Variants in RGCC observed in about 807,000 individuals in gnomAD.
The protein encoded by RGCC is regulator of cell cycle, also known as regulator of cell cycle RGCC.
RGCC carries 15 observed loss-of-function variants against 15.4 expected under a neutral mutation model. That is an observed-to-expected ratio of 0.97 (90% CI 0.65 to 1.50). RGCC has a LOEUF of 1.50. Among genes scored for constraint, RGCC ranks in the 40% most tolerant of loss-of-function variants. RGCC has a pLI of 0.00. For synonymous variants in RGCC, 81 were observed against 78.0 expected (o/e 1.04, Z -0.20); for missense variants, 176 against 189.7 (o/e 0.93, Z 0.42).
rs1222598121 is a variant in RGCC, at chr13:41,458,330, T to C, written c.95T>C (p.Leu32Pro). Residue 32 changes from leucine (L) to proline (P), a missense_variant, in exon 2 of 5, where the codon CTG (leucine) becomes CCG (proline). Physicochemically the swap from Leu to Pro is moderately conservative, Grantham distance 98. Coordinates refer to ENST00000379359, the MANE Select transcript of RGCC (RefSeq NM_014059.3). The surrounding 1 kb of genome is among the most constrained non-coding windows in gnomAD (Gnocchi z 4.4). ...GCCGCGGAGGACCTGTCGGACGCGCTGTGCGAGTTTGACGCGGTGCTGGCC... is the reference window on the plus strand; with the variant it reads ...GCCGCGGAGGACCTGTCGGACGCGCCGTGCGAGTTTGACGCGGTGCTGGCC... ...SAAAEDLSDA[L>P]CEFDAVLADF... The C allele has an allele frequency of 1.3e-6, 2 of 1,587,406 alleles. No individual in the cohort carries two copies. The highest frequency in any genetic ancestry group is 1.7e-5 in the Admixed American group (1 of 58,088).
intron 4 of RGCC, among the ~76,000 whole-genome samples, chr13:41,469,737 G>A (rs923694182): frequency 3.3e-5 from 5 of 152,104 alleles, no homozygotes; most frequent in African/African-American, 1.2e-4. Flanking sequence ...CTCTTATTTG[G>A]GAATTACACT....
rs151144643 is a variant in RGCC at position 41,464,337 on chromosome 13, C to T, written c.236-2486C>T. ...TGAGTTTCTCAGGCTGTATTTGTGG[C>T]GATTCTCCTGGTGACTGCATGGTGA... On this transcript the variant is annotated intron_variant, in intron 2 of 4. Coordinates refer to ENST00000379359, the MANE Select transcript of RGCC (RefSeq NM_014059.3). Among the ~76,000 whole-genome samples the T allele has an allele frequency of 7.1e-3, 1,082 of 152,280 alleles. 10 individuals carry two copies. Among genetic ancestry groups the T allele is most frequent in the African/African-American group, 0.024 (994 of 41,556 alleles).
In RGCC at chr13:41,458,210, G is replaced by A; in HGVS notation, c.50-75G>A. On this transcript the variant is annotated intron_variant, in intron 1 of 4. Transcript: ENST00000379359. The surrounding 1 kb of genome is among the most constrained non-coding windows in gnomAD (Gnocchi z 4.4). ...TCAGTTATCTTCGGGAACCGTGGCG[G>A]CCCCTCCTGGCCCTGGGAGGTGGTC... is the stretch of plus-strand genomic sequence containing the variant. The A allele has an allele frequency of 1.6e-6, 2 of 1,232,710 alleles. No homozygotes were observed. The allele number at this position is 1,232,710 out of a possible 1,614,324, so 76.4% of individuals were successfully genotyped here. A position where few individuals can be genotyped will look rare whatever the true frequency, so the allele number is the denominator to read the frequency against.
chr13:41,470,567 C>A lies in RGCC; in HGVS notation c.*82C>A. On this transcript the variant is annotated 3_prime_UTR_variant, in exon 5 of 5. Transcript: ENST00000379359. ...ACCTGCTAAAATCAGCTACTAGAAT[C>A]TGCTGCCAGAGGGGACAAAGACGTG... 1 of 1,400,546 alleles carries A rather than the reference C, an allele frequency of 7.1e-7. No homozygotes were observed. Among genetic ancestry groups the A allele is most frequent in the Non-Finnish European group, 1.0e-6 (1 of 985,782 alleles). 86.8% of individuals were successfully genotyped at this position (1,400,546 alleles called of 1,614,324 possible).
intron 3 of RGCC, among the ~76,000 whole-genome samples, chr13:41,468,273 A>C (rs1254338985): frequency 6.6e-6 from 1 of 152,248 alleles, no homozygotes; most frequent in Non-Finnish European, 1.5e-5. Context: ...GCAAGAATGC[A>C]TCAGAAGGCT....
At chr13:41,462,864 G>A (rs183525618) in intron 2 of RGCC, among the ~76,000 whole-genome samples, 1 of 152,320 alleles carries the variant, frequency 6.6e-6, no homozygotes, top group African/African-American at 2.4e-5. Flanking sequence ...GTAAAGAGAG[G>A]TCTAGAGCTT....
chr13:41,463,469 C>CTGTGTG (rs67077388), intron 2 of RGCC, among the ~76,000 whole-genome samples: 1 of 121,094 alleles, frequency 8.3e-6, no homozygotes, highest in African/African-American at 3.3e-5. Context: ...TAATGTGTAT[C>CTGTGTG]TGTGTGTGTG....
chr13:41,460,254 A>G (rs1229551076), intron 2 of RGCC, among the ~76,000 whole-genome samples: 1 of 152,232 alleles, frequency 6.6e-6, no homozygotes, highest in Non-Finnish European at 1.5e-5. Context: ...TGTTGGCAGA[A>G]GCTGTGTGTA....
chr13:41,464,460 T>C (rs2043837788), intron 2 of RGCC, among the ~76,000 whole-genome samples: 1 of 152,012 alleles, frequency 6.6e-6, no homozygotes. Context: ...AGCCCACCTT[T>C]GGAGGTGGGC....
chr13:41,463,247 CT>C (rs1380655011), intron 2 of RGCC, among the ~76,000 whole-genome samples: 1 of 152,012 alleles, frequency 6.6e-6, no homozygotes, highest in East Asian at 1.9e-4. Flanking sequence ...GCCTTGAGGG[CT>C]CTCTTTTCAT....
chr13:41,459,127 A>G (rs749794217), intron 2 of RGCC, among the ~76,000 whole-genome samples: 6 of 152,130 alleles, frequency 3.9e-5, no homozygotes, highest in Non-Finnish European at 8.8e-5. Flanking sequence ...CACAATGGAG[A>G]CTACCCCAGG....
chr13:41,457,753 G>A lies in RGCC; in HGVS notation c.46G>A (p.Ala16Thr), dbSNP rs924484190. The A allele has an allele frequency of 2.2e-6, 3 of 1,392,654 alleles. No individual in the cohort carries two copies. Among genetic ancestry groups the A allele is most frequent in the Non-Finnish European group, 2.8e-6 (3 of 1,078,040 alleles). The allele number at this position is 1,392,654 out of a possible 1,614,324, so 86.3% of individuals were successfully genotyped here. A position where few individuals can be genotyped will look rare whatever the true frequency, so the allele number is the denominator to read the frequency against. Residue 16 changes from alanine (A) to threonine (T), a missense_variant, in exon 1 of 5, where the codon GCA becomes ACA. By Grantham distance (58) the Ala-to-Thr change is moderately conservative. Transcript: ENST00000379359. This position sits in a 1 kb window ranked among gnomAD's most constrained non-coding sequence, Gnocchi z 4.9. ...AQGSPAAAAA[A>T]APALDSAAAE... is the part of the protein sequence containing the mutation. ...GGGCAGCCCCGCGGCCGCCGCGGCC[G>A]CAGGTGAGTGCGGGGTCCGGGGTCC...
At chr13:41,468,383 C>A (rs1051915212) in intron 3 of RGCC, among the ~76,000 whole-genome samples, 5 of 152,198 alleles carry the variant, frequency 3.3e-5, no homozygotes, top group African/African-American at 1.2e-4. Flanking sequence ...ATACAAAAAC[C>A]AGACTCCTTT....
chr13:41,464,645 C>T (rs1313707801), intron 2 of RGCC, among the ~76,000 whole-genome samples: 3 of 152,178 alleles, frequency 2.0e-5, no homozygotes, highest in African/African-American at 4.8e-5. Context: ...AGTGGGCATA[C>T]CCATGGGAAT....
chr13:41,465,295 C>A (rs1042522204), intron 2 of RGCC, among the ~76,000 whole-genome samples: 3 of 152,178 alleles, frequency 2.0e-5, no homozygotes, highest in African/African-American at 7.2e-5. Flanking sequence ...TTTGTTTTAA[C>A]CAGGAAGGCT....
Position 41,458,239 on chromosome 13 carries a change from C to T in RGCC, c.50-46C>T, listed in dbSNP as rs1474500879. The T allele has an allele frequency of 1.4e-6, 2 of 1,477,954 alleles. No individual in the cohort carries two copies. Among genetic ancestry groups the T allele is most frequent in the South Asian group, 2.5e-5 (2 of 80,028 alleles). The allele number at this position is 1,477,954 out of a possible 1,614,324, so 91.6% of individuals were successfully genotyped here. A position where few individuals can be genotyped will look rare whatever the true frequency, so the allele number is the denominator to read the frequency against. The stretch of plus-strand genomic sequence containing the variant: ...CTCCTGGCCCTGGGAGGTGGTCCCG[C>T]TGCCCCCCTGACTTCCGTGCACTGA... On this transcript the variant is annotated intron_variant, in intron 1 of 4. Coordinates refer to ENST00000379359, the MANE Select transcript of RGCC (RefSeq NM_014059.3). This position sits in a 1 kb window ranked among gnomAD's most constrained non-coding sequence, Gnocchi z 4.4.
chr13:41,466,300 C>T (rs537723272), intron 2 of RGCC, among the ~76,000 whole-genome samples: 2 of 151,948 alleles, frequency 1.3e-5, no homozygotes, highest in East Asian at 3.9e-4. Flanking sequence ...CACACACACA[C>T]ACTTTCTCTC....
chr13:41,466,522 G>C lies in RGCC; in HGVS notation c.236-301G>C, dbSNP rs572933073. ...TCCTGCCTCAGCCTCCCAAGTAGCT[G>C]GGGCTACAGACACACACCACTATGC... is the stretch of plus-strand genomic sequence containing the variant. On this transcript the variant is annotated intron_variant, in intron 2 of 4. Coordinates refer to ENST00000379359, the MANE Select transcript of RGCC (RefSeq NM_014059.3). Among the ~76,000 whole-genome samples, 3 of 152,172 alleles carry C rather than the reference G, an allele frequency of 2.0e-5. No individual in the cohort carries two copies. The East Asian group carries it at 5.8e-4, about 29-fold the overall frequency.
chr13:41,468,461 G>C (rs1466462090), intron 3 of RGCC, among the ~76,000 whole-genome samples: 1 of 152,166 alleles, frequency 6.6e-6, no homozygotes, highest in Non-Finnish European at 1.5e-5. Flanking sequence ...TCCTCTTCTA[G>C]GTGAGGGAGA....
Sources: allele counts gnomAD v4.1 joint callset (sites outside exome capture counted in the v4.1 genomes callset), GRCh38; gene constraint gnomAD v4.1.1; non-coding constraint Gnocchi (gnomAD v3.1); transcripts MANE v1.5; gene names NCBI Gene and HGNC (gene_info 2026-07-23, HGNC 2026-07-21).